BUB1: variants seen among roughly 807,000 people sequenced by gnomAD.
The protein encoded by BUB1 is mitotic checkpoint serine/threonine-protein kinase BUB1.
Under a neutral mutation model 135.2 loss-of-function variants are expected in BUB1, and 84 were observed. The observed-to-expected ratio is 0.62, with a 90% CI of 0.52 to 0.74. The LOEUF is 0.74. Ranked by LOEUF, BUB1 falls within the 30% of genes least tolerant of loss-of-function variation. The pLI is 0.00. For missense variants in BUB1, 1,162 were observed against 1,288.3 expected (o/e 0.90, Z 1.50); for synonymous variants, 403 against 434.4 (o/e 0.93, Z 0.90).
chr2:110,667,874 G>A (rs1296940753), intron 6 of BUB1, 25 bp from the exon 7 acceptor site: 2 of 1,605,268 alleles, frequency 1.2e-6, no homozygotes, highest in African/African-American at 2.7e-5. Context: ...ACAAACATGA[G>A]CATTCACTTA....
Position 110,669,445 on chromosome 2 carries a change from AT to A in BUB1, c.567+7del, listed in dbSNP as rs1442611271. 9 of 1,565,508 alleles carry A rather than the reference AT, an allele frequency of 5.7e-6. No homozygotes were observed. The Admixed American group carries it at 6.7e-5, about 12-fold the overall frequency. ...AGTTTCCACACAAGCTACAAATGTC[AT>A]TATTACCTGATTCTTAGAAATGCAG... On this transcript the variant is annotated splice_region_variant and intron_variant, in intron 6 of 24. Coordinates refer to ENST00000302759, the MANE Select transcript of BUB1 (RefSeq NM_004336.5).
intron 19 of BUB1, among the ~76,000 whole-genome samples, chr2:110,646,396 G>T (rs1433785224): frequency 6.6e-6 from 1 of 151,816 alleles, no homozygotes; most frequent in Admixed American, 6.6e-5. Context: ...GACGGGAAGG[G>T]GCAGATAAAG....
chr2:110,643,787 G>A (rs771734148), intron 19 of BUB1, among the ~76,000 whole-genome samples: 2 of 152,050 alleles, frequency 1.3e-5, no homozygotes, highest in Admixed American at 1.3e-4. Flanking sequence ...TTATAGGAAT[G>A]AGCTACCATG....
chr2:110,637,951 C>A lies in BUB1; in HGVS notation c.*13G>T. 1 of 1,451,422 alleles carries A rather than the reference C, an allele frequency of 6.9e-7. No homozygotes were observed. The allele number at this position is 1,451,422 out of a possible 1,614,324, so 89.9% of individuals were successfully genotyped here. On this transcript the variant is annotated 3_prime_UTR_variant, in exon 25 of 25. Coordinates refer to ENST00000302759, the MANE Select transcript of BUB1 (RefSeq NM_004336.5). ...TTACAGTGTGATTTTTAAGGACTGT[C>A]TATATCCAAATTTTATTTTCGTGAA...
At chr2:110,677,869 G>T in intron 1 of BUB1, 101 bp downstream of exon 1, 1 of 1,382,728 alleles carries the variant, frequency 7.2e-7, no homozygotes, top group Non-Finnish European at 9.9e-7. Flanking sequence ...CCCAGGAAGG[G>T]GGCGAAGGGG....
At chr2:110,644,446 T>C (rs558138859) in intron 19 of BUB1, among the ~76,000 whole-genome samples, 2 of 138,554 alleles carry the variant, frequency 1.4e-5, no homozygotes, top group Middle Eastern at 4.3e-3. Flanking sequence ...CACTGCACTG[T>C]AGCCTGGGCA....
intron 9 of BUB1, among the ~76,000 whole-genome samples, chr2:110,664,274 TA>T (rs1324952817): frequency 6.6e-6 from 1 of 151,978 alleles, no homozygotes; most frequent in Non-Finnish European, 1.5e-5. Flanking sequence ...GATGAAAAGA[TA>T]AATACCAGAT....
chr2:110,639,700 T>C (rs769170073), intron 24 of BUB1, 42 bp downstream of exon 24: 2 of 1,451,748 alleles, frequency 1.4e-6, no homozygotes, highest in African/African-American at 1.4e-5. Flanking sequence ...CATTCTACTT[T>C]AGTTATTCTC....
intron 18 of BUB1, 100 bp from the exon 19 acceptor site, chr2:110,649,477 A>C: frequency 8.5e-7 from 1 of 1,174,452 alleles, no homozygotes; most frequent in Non-Finnish European, 1.2e-6. Flanking sequence ...GATATTTACT[A>C]AGTAAGCTTT....
At position 110,666,335 on chromosome 2, in the gene BUB1, T is replaced by C; in HGVS notation, c.885A>G (p.Glu295=). ...CCACCTGATGCAACTTCTTATGAAG[T>C]TCATCCATTTTCTGTTTTAATAGCT... The part of the protein sequence containing the change: ...EEQLLKQKMD[E]LHKKLHQVVE... Residue 295 remains glutamate (E), a synonymous_variant, in exon 9 of 25, where the codon GAA becomes GAG. Transcript: ENST00000302759. The C allele has an allele frequency of 6.5e-7, 1 of 1,535,310 alleles. No individual in the cohort carries two copies. Among genetic ancestry groups the C allele is most frequent in the Non-Finnish European group, 8.8e-7 (1 of 1,139,586 alleles).
chr2:110,661,026 C>A (rs1307942595), intron 10 of BUB1: 1 of 152,060 alleles, frequency 6.6e-6, no homozygotes, highest in East Asian at 1.9e-4. Flanking sequence ...TAAAAGAGAG[C>A]CAAAATGACT....
chr2:110,663,257 G>C (rs1328584964), intron 9 of BUB1, among the ~76,000 whole-genome samples: 1 of 152,150 alleles, frequency 6.6e-6, no homozygotes, highest in Non-Finnish European at 1.5e-5. Context: ...TCCAGCCTGG[G>C]CGATAGTGGG....
intron 19 of BUB1, among the ~76,000 whole-genome samples, chr2:110,644,829 G>A (rs1689602312): frequency 6.6e-6 from 1 of 152,050 alleles, no homozygotes; most frequent in Non-Finnish European, 1.5e-5. Flanking sequence ...CTTCAAATGT[G>A]AAGAATAAAA....
intron 19 of BUB1, 172 bp from the exon 20 acceptor site, chr2:110,642,406 AAAG>A (rs1689528932): frequency 4.4e-6 from 2 of 452,794 alleles, no homozygotes; most frequent in African/African-American, 4.0e-5. Flanking sequence ...TCAATCAACC[AAAG>A]TAGTATGCTC....
chr2:110,674,412 A>G, intron 1 of BUB1, 47 bp from the exon 2 acceptor site: 1 of 1,557,512 alleles, frequency 6.4e-7, no homozygotes, highest in Non-Finnish European at 8.8e-7. Flanking sequence ...GATAATTTCT[A>G]CAAGCAAAAG....
rs200745567 is a variant in BUB1, at chr2:110,655,904, G to A, written c.1711C>T (p.His571Tyr). 3 of 1,613,236 alleles carry A rather than the reference G, an allele frequency of 1.9e-6. No homozygotes were observed. The East Asian group carries it at 6.7e-5, about 36-fold the overall frequency. The change falls in exon 16 of 25, where the codon CAT becomes TAT. Residue 571 changes from histidine to tyrosine, a missense_variant. By Grantham distance (83) the His-to-Tyr change is moderately conservative (BLOSUM62 2). Coordinates refer to ENST00000302759, the MANE Select transcript of BUB1 (RefSeq NM_004336.5). ...GAGTCATCCAAAAACTCTTCAGCAT[G>A]AGGCACTTCCTCCTATAACAGAAGA... The part of the protein sequence containing the change: ...LPSKPKEEVP[H>Y]AEEFLDDSTV...
Position 110,650,654 on chromosome 2 carries a change from T to C in BUB1, c.2095A>G (p.Arg699Gly). The change falls in exon 18 of 25, where the codon AGA (arginine) becomes GGA (glycine). Residue 699 changes from arginine (R) to glycine (G), a missense_variant. Coordinates refer to ENST00000302759, the MANE Select transcript of BUB1 (RefSeq NM_004336.5). ...ATGGCAGCGTCAGTGTCTGTGAGTCTGCAAGCCTCAACGCCCAACTCTGCC... is the reference window on the plus strand; with the variant it reads ...ATGGCAGCGTCAGTGTCTGTGAGTCCGCAAGCCTCAACGCCCAACTCTGCC... The part of the protein sequence containing the change: ...CEAELGVEAC[R>G]LTDTDAAIAE... 1 of 1,613,978 alleles carries C rather than the reference T, an allele frequency of 6.2e-7. No homozygotes were observed. The highest frequency in any genetic ancestry group is 8.5e-7 in the Non-Finnish European group (1 of 1,179,970).
intron 13 of BUB1, 127 bp from the exon 14 acceptor site, chr2:110,657,772 A>T (rs1574325175): frequency 1.6e-6 from 1 of 636,768 alleles, no homozygotes; most frequent in Non-Finnish European, 2.6e-6. Flanking sequence ...CAGCTTTTCA[A>T]ATACTAGGCA....
intron 19 of BUB1, among the ~76,000 whole-genome samples, chr2:110,646,104 G>A (rs1416543680): frequency 1.5e-5 from 2 of 133,178 alleles, no homozygotes; most frequent in Non-Finnish European, 3.0e-5. Context: ...GGCCAAGACA[G>A]AAAGATGGAT....
Sources: gnomAD v4.1 joint callset for allele counts (sites outside exome capture counted in the v4.1 genomes callset) on GRCh38, gnomAD v4.1.1 for gene constraint, MANE v1.5 for transcripts, NCBI Gene and HGNC (gene_info 2026-07-23, HGNC 2026-07-21) for gene names.